Variants in CSMD1 observed in about 807,000 individuals in gnomAD.
The protein encoded by CSMD1 is CUB and Sushi multiple domains 1.
A neutral mutation model predicts 417.5 loss-of-function variants in CSMD1; 213 were observed. That is an observed-to-expected ratio of 0.51 (90% CI 0.46 to 0.57). The LOEUF is 0.57. CSMD1 is among the 20% of genes least tolerant of loss of function. The pLI, the probability that CSMD1 is intolerant of heterozygous loss-of-function variation, is 0.00. For missense variants in CSMD1, 6,923 were observed against 4,529.7 expected (o/e 1.53, Z -15.17); for synonymous variants, 2,862 against 1,736.8 (o/e 1.65, Z -16.11).
intron 1 of CSMD1, among the ~76,000 whole-genome samples, chr8:4,941,434 G>C (rs12682178): frequency 6.6e-6 from 1 of 152,022 alleles, no homozygotes; most frequent in Non-Finnish European, 1.5e-5. Flanking sequence ...GTTTATATAG[G>C]AAGCCATGTT....
intron 30 of CSMD1, among the ~76,000 whole-genome samples, chr8:3,213,422 T>C (rs1480556958): frequency 6.6e-6 from 1 of 152,110 alleles, no homozygotes; most frequent in East Asian, 1.9e-4. Flanking sequence ...GGTGAAGATA[T>C]GCACCCTGGC....
At chr8:4,402,940 C>T (rs1585021153) in intron 3 of CSMD1, among the ~76,000 whole-genome samples, 1 of 151,176 alleles carries the variant, frequency 6.6e-6, no homozygotes, top group Non-Finnish European at 1.5e-5. Context: ...CTGTCTTAGC[C>T]TCCTGAGTAG....
chr8:3,659,046 A>T (rs1305217800), intron 7 of CSMD1, among the ~76,000 whole-genome samples: 1 of 152,212 alleles, frequency 6.6e-6, no homozygotes, highest in Non-Finnish European at 1.5e-5. Flanking sequence ...ACACGGCGCC[A>T]TTGCATCTAC....
intron 5 of CSMD1, among the ~76,000 whole-genome samples, chr8:3,981,975 T>A (rs1461788727): frequency 6.6e-6 from 1 of 151,808 alleles, no homozygotes; most frequent in Admixed American, 6.6e-5. Flanking sequence ...ATTGAGACCA[T>A]CCTGGCTAAC....
chr8:4,093,772 C>G (rs908986782), intron 3 of CSMD1, among the ~76,000 whole-genome samples: 1 of 152,072 alleles, frequency 6.6e-6, no homozygotes, highest in Non-Finnish European at 1.5e-5. Context: ...ACCAGCTTGG[C>G]CAACATGGTG....
At chr8:4,575,754 T>C (rs1221548518) in intron 2 of CSMD1, among the ~76,000 whole-genome samples, 1 of 152,204 alleles carries the variant, frequency 6.6e-6, no homozygotes, top group Non-Finnish European at 1.5e-5. Context: ...TCTTCTCTCA[T>C]ACTCCACAAG....
chr8:4,633,366 C>G (rs1045969561), intron 2 of CSMD1, among the ~76,000 whole-genome samples: 1 of 151,790 alleles, frequency 6.6e-6, no homozygotes, highest in Non-Finnish European at 1.5e-5. Context: ...CCTGCCTCAC[C>G]CTCCCTAGTA....
At chr8:4,052,641 T>C (rs1042264245) in intron 3 of CSMD1, among the ~76,000 whole-genome samples, 1 of 152,164 alleles carries the variant, frequency 6.6e-6, no homozygotes, top group African/African-American at 2.4e-5. Context: ...AGGCATCTCC[T>C]TTGGAAAAGA....
chr8:4,119,204 C>G (rs1039354528), intron 3 of CSMD1, among the ~76,000 whole-genome samples: 1 of 151,998 alleles, frequency 6.6e-6, no homozygotes, highest in Admixed American at 6.6e-5. Flanking sequence ...ACACATATAC[C>G]TATGTAACAA....
intron 3 of CSMD1, among the ~76,000 whole-genome samples, chr8:4,230,769 T>C (rs1367557763): frequency 6.6e-6 from 1 of 152,222 alleles, no homozygotes; most frequent in Non-Finnish European, 1.5e-5. Flanking sequence ...ATCAGTTTTT[T>C]TTTGACTTTC....
At chr8:4,139,112 G>C (rs989250258) in intron 3 of CSMD1, among the ~76,000 whole-genome samples, 5 of 152,084 alleles carry the variant, frequency 3.3e-5, no homozygotes, top group African/African-American at 9.7e-5. Context: ...TACACATGAA[G>C]ACCCCTGTGA....
intron 2 of CSMD1, among the ~76,000 whole-genome samples, chr8:4,516,997 G>A (rs997594481): frequency 5.3e-5 from 8 of 151,974 alleles, no homozygotes; most frequent in Non-Finnish European, 1.0e-4. Context: ...CAGTGTTAAC[G>A]GACTATATCA....
rs892411759 is a variant in CSMD1 at position 3,082,450 on chromosome 8, C to T, written c.7474+4647G>A. 1.2e-4 allele frequency among the ~76,000 whole-genome samples: 18 copies of T among 152,298 alleles called. No individual in the cohort carries two copies. The East Asian group carries it at 1.7e-3, about 15-fold the overall frequency. ...GACATCCCAATATCCTGGACCTTCT[C>T]TGCTACTCCCGCCGGATGACTATCC... On this transcript the variant is annotated intron_variant, in intron 49 of 69. Coordinates refer to ENST00000635120, the MANE Select transcript of CSMD1 (RefSeq NM_033225.6).
chr8:3,355,442 A>G (rs773946810), intron 21 of CSMD1, among the ~76,000 whole-genome samples: 34 of 152,330 alleles, frequency 2.2e-4, no homozygotes, highest in African/African-American at 7.0e-4. Flanking sequence ...ATTATTCAAA[A>G]GCTGTGCAGA....
chr8:3,937,184 T>A (rs1169655447), intron 5 of CSMD1, among the ~76,000 whole-genome samples: 1 of 152,202 alleles, frequency 6.6e-6, no homozygotes, highest in Non-Finnish European at 1.5e-5. Context: ...CTGGTGAAGA[T>A]GCTGTGAACA....
chr8:4,254,057 C>A (rs1289039097), intron 3 of CSMD1, among the ~76,000 whole-genome samples: 1 of 151,748 alleles, frequency 6.6e-6, no homozygotes, highest in Non-Finnish European at 1.5e-5. Context: ...GCTGGGACTA[C>A]TGGTGCCCAC....
intron 5 of CSMD1, among the ~76,000 whole-genome samples, chr8:3,923,445 G>A (rs1476958035): frequency 6.6e-6 from 1 of 151,890 alleles, no homozygotes; most frequent in Non-Finnish European, 1.5e-5. Context: ...TGGATCATTT[G>A]CTTATTATAT....
intron 12 of CSMD1, among the ~76,000 whole-genome samples, chr8:3,453,031 C>G (rs55981777): frequency 0.061 from 9,294 of 152,190 alleles, 337 homozygotes; most frequent in East Asian, 0.17. Flanking sequence ...CAACTTCTTC[C>G]TGGTTTAGTC....
intron 1 of CSMD1, among the ~76,000 whole-genome samples, chr8:4,791,794 C>A (rs772457915): frequency 1.4e-4 from 21 of 152,272 alleles, no homozygotes; most frequent in African/African-American, 4.6e-4. Context: ...TGAGATTCCT[C>A]CAGTTTGGGT....
Sources: allele counts gnomAD v4.1 joint callset (sites outside exome capture counted in the v4.1 genomes callset), GRCh38; gene constraint gnomAD v4.1.1; transcripts MANE v1.5; gene names NCBI Gene and HGNC (gene_info 2026-07-23, HGNC 2026-07-21).